ERC2: variants seen among roughly 807,000 people sequenced by gnomAD.
ERC2 encodes ELKS/RAB6-interacting/CAST family member 2, also known as ERC protein 2.
ERC2 carries 42 observed loss-of-function variants against 114.8 expected under a neutral mutation model. The ratio of observed to expected loss-of-function variants is 0.37; its 90% confidence interval spans 0.29 to 0.47. The LOEUF is 0.47. Ranked by LOEUF, ERC2 falls within the 20% of genes least tolerant of loss-of-function variation. The pLI is 0.99. For synonymous variants in ERC2, 454 were observed against 425.5 expected, an observed-to-expected ratio of 1.07 and a Z score of -0.82; for missense variants, 939 against 1,150.7, an observed-to-expected ratio of 0.82 and a Z score of 2.66.
At chr3:56,076,541 C>T (rs1408614601) in intron 7 of ERC2, among the ~76,000 whole-genome samples, 1 of 152,138 alleles carries the variant, frequency 6.6e-6, no homozygotes, top group African/African-American at 2.4e-5. Context: ...CCATACCGCT[C>T]TTCTGATTTC....
At chr3:55,584,666 T>TA (rs1304465619) in intron 17 of ERC2, among the ~76,000 whole-genome samples, 1 of 152,170 alleles carries the variant, frequency 6.6e-6, no homozygotes, top group African/African-American at 2.4e-5. Context: ...GAAGCAGCCA[T>TA]AACCCACATC....
At chr3:55,975,680 T>C (rs1488742787) in intron 12 of ERC2, among the ~76,000 whole-genome samples, 1 of 152,372 alleles carries the variant, frequency 6.6e-6, no homozygotes, top group Non-Finnish European at 1.5e-5. Flanking sequence ...CTCCTCGTTA[T>C]GTTCATCCCA....
At chr3:55,672,336 C>G (rs1181711416) in intron 17 of ERC2, among the ~76,000 whole-genome samples, 1 of 135,122 alleles carries the variant, frequency 7.4e-6, no homozygotes, top group South Asian at 2.5e-4. Context: ...AGGACCCTAT[C>G]TCAAAAAAAA....
intron 10 of ERC2, among the ~76,000 whole-genome samples, chr3:56,002,932 A>T (rs114642855): frequency 0.011 from 1,657 of 152,282 alleles, 28 homozygotes; most frequent in African/African-American, 0.037. Context: ...TTTCACATTC[A>T]AAAGAAATGG....
intron 2 of ERC2, among the ~76,000 whole-genome samples, chr3:56,303,660 CTCT>C (rs2056041890): frequency 6.6e-6 from 1 of 152,202 alleles, no homozygotes; most frequent in Non-Finnish European, 1.5e-5. Flanking sequence ...GTCTCTCTTC[CTCT>C]TCTTATAAGG....
chr3:56,140,831 C>G (rs2080813130), intron 5 of ERC2, among the ~76,000 whole-genome samples: 1 of 152,054 alleles, frequency 6.6e-6, no homozygotes, highest in Non-Finnish European at 1.5e-5. Context: ...CGAGACCAGC[C>G]TGGCCAATAT....
At chr3:55,602,911 C>T (rs2058471091) in intron 17 of ERC2, among the ~76,000 whole-genome samples, 1 of 152,122 alleles carries the variant, frequency 6.6e-6, no homozygotes. Flanking sequence ...TAGCTATTTG[C>T]TAAATCCTGC....
intron 2 of ERC2, among the ~76,000 whole-genome samples, chr3:56,420,656 C>A (rs1389614810): frequency 6.6e-6 from 1 of 151,190 alleles, no homozygotes; most frequent in African/African-American, 2.4e-5. Context: ...GAGGCCAAGA[C>A]AGGCAGATCA....
At chr3:56,245,274 C>T (rs2051603779) in intron 3 of ERC2, among the ~76,000 whole-genome samples, 1 of 151,808 alleles carries the variant, frequency 6.6e-6, no homozygotes, top group African/African-American at 2.4e-5. Context: ...AGCGCATTTA[C>T]AGCAAAGAAC....
In ERC2 at chr3:56,434,751, G is replaced by A. The variant is rs767270000; in HGVS notation, c.257C>T (p.Thr86Ile). ...PKGTMTLGRA[T>I]NRAVYGGRVT... Reference sequence around the variant, plus strand: ...ACGGCCTCCATATACAGCTCGATTTGTAGCCCTTCCCAGAGTCATAGTGCC... The same window carrying A: ...ACGGCCTCCATATACAGCTCGATTTATAGCCCTTCCCAGAGTCATAGTGCC... The change falls in exon 2 of 18, where the codon ACA becomes ATA. Residue 86 changes from threonine (T) to isoleucine (I), a missense_variant. By Grantham distance (89) the Thr-to-Ile change is moderately conservative. Around this residue, in one of 5 missense-constraint regions of ERC2, gnomAD observed 281 missense variants for 307.4 expected, o/e 0.91. Transcript: ENST00000288221. 4 of 1,613,984 alleles carry A rather than the reference G, an allele frequency of 2.5e-6. No homozygotes were observed. Among genetic ancestry groups the A allele is most frequent in the Non-Finnish European group, 3.4e-6 (4 of 1,179,870 alleles).
At chr3:55,772,942 C>T (rs183484243) in intron 14 of ERC2, among the ~76,000 whole-genome samples, 1 of 152,322 alleles carries the variant, frequency 6.6e-6, no homozygotes, top group East Asian at 1.9e-4. Flanking sequence ...CCAAAGTGGA[C>T]CATGACGCAC....
intron 14 of ERC2, among the ~76,000 whole-genome samples, chr3:55,875,466 C>A (rs2062784902): frequency 6.6e-6 from 1 of 152,174 alleles, no homozygotes; most frequent in Non-Finnish European, 1.5e-5. Flanking sequence ...ACTGGCTTAA[C>A]CAAAAGATCA....
At chr3:56,313,580 A>T (rs965040652) in intron 2 of ERC2, among the ~76,000 whole-genome samples, 1 of 152,210 alleles carries the variant, frequency 6.6e-6, no homozygotes, top group African/African-American at 2.4e-5. Context: ...ATCTCCCCGA[A>T]TCAAAGCAGC....
At chr3:55,661,130 C>T (rs1007010710) in intron 17 of ERC2, among the ~76,000 whole-genome samples, 3 of 152,212 alleles carry the variant, frequency 2.0e-5, no homozygotes, top group South Asian at 4.1e-4. Flanking sequence ...CATTACCACA[C>T]ACTTAGTGAC....
At chr3:55,811,918 C>T (rs1027461684) in intron 14 of ERC2, among the ~76,000 whole-genome samples, 6 of 152,080 alleles carry the variant, frequency 3.9e-5, no homozygotes, top group Non-Finnish European at 7.4e-5. Context: ...CATAGGTAAA[C>T]GTTACATAGG....
chr3:55,765,065 C>T (rs997348266), intron 14 of ERC2, among the ~76,000 whole-genome samples: 2 of 152,166 alleles, frequency 1.3e-5, no homozygotes, highest in Non-Finnish European at 2.9e-5. Flanking sequence ...CAGGAGATCG[C>T]TTCTTGTCTT....
At chr3:56,356,927 T>C (rs1260432181) in intron 2 of ERC2, among the ~76,000 whole-genome samples, 1 of 152,180 alleles carries the variant, frequency 6.6e-6, no homozygotes, top group Non-Finnish European at 1.5e-5. Flanking sequence ...CTTGCCCAGA[T>C]TTCACAGCTA....
intron 14 of ERC2, among the ~76,000 whole-genome samples, chr3:55,775,739 A>G (rs1435349529): frequency 4.6e-5 from 7 of 152,180 alleles, no homozygotes; most frequent in Non-Finnish European, 1.0e-4. Flanking sequence ...GAAAAATCCA[A>G]TGAGAAAATA....
At chr3:56,416,620 A>G (rs991770107) in intron 2 of ERC2, among the ~76,000 whole-genome samples, 1 of 147,052 alleles carries the variant, frequency 6.8e-6, no homozygotes, top group Non-Finnish European at 1.5e-5. Context: ...CAACAACACC[A>G]CTTGGATAAA....
Sources: gnomAD v4.1 joint callset for allele counts (sites outside exome capture counted in the v4.1 genomes callset) on GRCh38, gnomAD v4.1.1 for gene constraint, gnomAD v4.1.1 regional missense constraint, MANE v1.5 for transcripts, NCBI Gene and HGNC (gene_info 2026-07-23, HGNC 2026-07-21) for gene names.